Variants in CTNNA3 observed in about 807,000 individuals in gnomAD.
CTNNA3 encodes the protein catenin alpha 3.
A neutral mutation model predicts 95.7 loss-of-function variants in CTNNA3; 76 were observed. That is an observed-to-expected ratio of 0.79 (90% CI 0.66 to 0.96). The LOEUF is 0.96. CTNNA3 is among the 40% of genes least tolerant of loss of function. The probability of loss-of-function intolerance (pLI) is 0.00; values close to 1 mark genes in which losing one functional copy is unlikely to be tolerated. For missense variants in CTNNA3, 1,191 were observed against 1,089.8 expected, an observed-to-expected ratio of 1.09 and a Z score of -1.31; for synonymous variants, 431 against 374.4, an observed-to-expected ratio of 1.15 and a Z score of -1.74.
intron 14 of CTNNA3, among the ~76,000 whole-genome samples, chr10:66,094,336 G>A (rs970974783): frequency 6.6e-6 from 1 of 152,050 alleles, no homozygotes; most frequent in East Asian, 1.9e-4. Flanking sequence ...GAGGGCATTA[G>A]GAGATTGGAT....
chr10:66,857,129 C>T (rs957240217), intron 7 of CTNNA3, among the ~76,000 whole-genome samples: 1 of 152,012 alleles, frequency 6.6e-6, no homozygotes, highest in African/African-American at 2.4e-5. Flanking sequence ...ATATGGCTAG[C>T]CAGTTATTCT....
chr10:66,410,825 T>C (rs2093098177), intron 11 of CTNNA3, among the ~76,000 whole-genome samples: 1 of 152,176 alleles, frequency 6.6e-6, no homozygotes, highest in Admixed American at 6.5e-5. Flanking sequence ...TTTCTAAGGC[T>C]CTTTCTCATC....
intron 5 of CTNNA3, among the ~76,000 whole-genome samples, chr10:67,509,078 G>A (rs573834033): frequency 4.6e-5 from 7 of 151,896 alleles, no homozygotes; most frequent in Non-Finnish European, 8.8e-5. Context: ...GTTTCACCAT[G>A]TTGGCCAGGC....
chr10:67,658,575 A>G (rs1020100619), intron 1 of CTNNA3, among the ~76,000 whole-genome samples: 4 of 152,216 alleles, frequency 2.6e-5, no homozygotes, highest in African/African-American at 9.7e-5. Flanking sequence ...CTACATGTGC[A>G]CTAATTAGAA....
intron 12 of CTNNA3, among the ~76,000 whole-genome samples, chr10:66,335,338 G>GT (rs950844887): frequency 1.3e-5 from 2 of 152,028 alleles, no homozygotes; most frequent in African/African-American, 2.4e-5. Context: ...TTTCTGCTTT[G>GT]TTTTTTCCCC....
intron 11 of CTNNA3, among the ~76,000 whole-genome samples, chr10:66,414,229 T>C (rs981077585): frequency 6.6e-6 from 1 of 152,170 alleles, no homozygotes; most frequent in Non-Finnish European, 1.5e-5. Context: ...TCAGGATGGC[T>C]GACTAGGGAG....
At chr10:67,644,747 A>T (rs946933497) in intron 2 of CTNNA3, among the ~76,000 whole-genome samples, 1 of 151,976 alleles carries the variant, frequency 6.6e-6, no homozygotes, top group Non-Finnish European at 1.5e-5. Context: ...GCATAAGTTG[A>T]TATTATATAA....
chr10:66,000,043 C>A (rs2078740141), intron 15 of CTNNA3, among the ~76,000 whole-genome samples: 1 of 151,510 alleles, frequency 6.6e-6, no homozygotes, highest in African/African-American at 2.4e-5. Context: ...TTATCTCGTA[C>A]ACAATAAATA....
At chr10:67,286,984 T>A (rs2132456985) in intron 5 of CTNNA3, among the ~76,000 whole-genome samples, 1 of 152,266 alleles carries the variant, frequency 6.6e-6, no homozygotes, top group South Asian at 2.1e-4. Flanking sequence ...TGGCGCTTCC[T>A]CTGAAATCCC....
intron 11 of CTNNA3, among the ~76,000 whole-genome samples, chr10:66,512,060 C>T (rs897221115): frequency 1.3e-5 from 2 of 151,688 alleles, no homozygotes; most frequent in East Asian, 1.9e-4. Context: ...CTCTGGTGTT[C>T]GGTGGATATA....
chr10:66,860,022 G>T (rs1429681247), intron 7 of CTNNA3, among the ~76,000 whole-genome samples: 1 of 104,234 alleles, frequency 9.6e-6, no homozygotes, highest in African/African-American at 3.7e-5. Flanking sequence ...GTTGTGGGGT[G>T]GGGGGAGGGG....
At chr10:67,185,350 T>G (rs1165559286) in intron 6 of CTNNA3, among the ~76,000 whole-genome samples, 1 of 151,946 alleles carries the variant, frequency 6.6e-6, no homozygotes. Flanking sequence ...ATGGTCTCGA[T>G]CTCTTGACCA....
At chr10:66,323,619 T>C (rs918293178) in intron 12 of CTNNA3, among the ~76,000 whole-genome samples, 4 of 146,834 alleles carry the variant, frequency 2.7e-5, no homozygotes, top group African/African-American at 7.6e-5. Context: ...GCCACTGCAC[T>C]CCACCCTGGG....
At chr10:66,450,460 T>C (rs2093456138) in intron 11 of CTNNA3, among the ~76,000 whole-genome samples, 1 of 151,922 alleles carries the variant, frequency 6.6e-6, no homozygotes, top group African/African-American at 2.4e-5. Flanking sequence ...GGGGTCACCA[T>C]ACAGCAAAAC....
chr10:66,180,528 A>T (rs924664625), intron 13 of CTNNA3, among the ~76,000 whole-genome samples: 16 of 152,234 alleles, frequency 1.1e-4, no homozygotes, highest in Non-Finnish European at 2.1e-4. Context: ...TCAGATACAA[A>T]ACCAATTTCT....
chr10:66,841,465 T>C (rs1017649104), intron 7 of CTNNA3, among the ~76,000 whole-genome samples: 1 of 152,220 alleles, frequency 6.6e-6, no homozygotes, highest in African/African-American at 2.4e-5. Flanking sequence ...ACAATGCTTA[T>C]GTTAAATGAA....
intron 13 of CTNNA3, among the ~76,000 whole-genome samples, chr10:66,113,728 C>T (rs1015049799): frequency 6.6e-6 from 1 of 152,144 alleles, no homozygotes; most frequent in Admixed American, 6.6e-5. Context: ...TTTGTATTGT[C>T]AGCATATCCT....
intron 7 of CTNNA3, among the ~76,000 whole-genome samples, chr10:66,985,390 T>C (rs150684514): frequency 6.6e-6 from 1 of 151,572 alleles, no homozygotes; most frequent in East Asian, 1.9e-4. Flanking sequence ...AACATGAAAA[T>C]ATAGGGGAAG....
intron 6 of CTNNA3, among the ~76,000 whole-genome samples, chr10:67,189,113 TCAAA>T (rs1271824679): frequency 2.0e-5 from 3 of 146,932 alleles, no homozygotes; most frequent in African/African-American, 7.9e-5. Context: ...CGAGACCCTG[TCAAA>T]CAAACAAACA....
Sources: gnomAD v4.1 joint callset for allele counts (sites outside exome capture counted in the v4.1 genomes callset) on GRCh38, gnomAD v4.1.1 for gene constraint, MANE v1.5 for transcripts, NCBI Gene and HGNC (gene_info 2026-07-23, HGNC 2026-07-21) for gene names.